Variants in CACNA2D3 observed in about 807,000 individuals in gnomAD.
CACNA2D3 encodes the protein calcium voltage-gated channel auxiliary subunit alpha2delta 3.
A neutral mutation model predicts 160.6 loss-of-function variants in CACNA2D3; 60 were observed. The ratio of observed to expected loss-of-function variants is 0.37; its 90% CI spans 0.30 to 0.46. The LOEUF is 0.46. Ranked by LOEUF, CACNA2D3 falls within the 20% of genes least tolerant of loss-of-function variation. CACNA2D3 has a pLI of 1.00. For missense variants in CACNA2D3, 1,205 were observed against 1,365.0 expected (o/e 0.88, Z 1.85); for synonymous variants, 558 against 492.9 (o/e 1.13, Z -1.75).
chr3:54,646,194 G>A (rs58952536), intron 11 of CACNA2D3, among the ~76,000 whole-genome samples: 1 of 13,434 alleles, frequency 7.4e-5, no homozygotes, highest in African/African-American at 1.6e-4. Flanking sequence ...CTCCTTCCTT[G>A]CTTCCTTCCT....
intron 8 of CACNA2D3, among the ~76,000 whole-genome samples, chr3:54,574,064 T>C (rs967297590): frequency 3.3e-5 from 5 of 152,182 alleles, no homozygotes; most frequent in Non-Finnish European, 5.9e-5. Context: ...TGTGAGTGCA[T>C]TGTTATCATC....
intron 2 of CACNA2D3, among the ~76,000 whole-genome samples, chr3:54,181,754 T>C (rs1488730922): frequency 6.6e-6 from 1 of 152,192 alleles, no homozygotes; most frequent in East Asian, 1.9e-4. Context: ...ACATGCTTCT[T>C]ATTGAAGAAG....
intron 34 of CACNA2D3, among the ~76,000 whole-genome samples, chr3:55,009,818 C>G (rs1487131002): frequency 1.3e-5 from 2 of 152,196 alleles, no homozygotes; most frequent in African/African-American, 4.8e-5. Flanking sequence ...TCTGTTTTCA[C>G]AGTTACCCTC....
intron 5 of CACNA2D3, among the ~76,000 whole-genome samples, chr3:54,514,231 G>A (rs1030283444): frequency 2.0e-5 from 3 of 152,166 alleles, no homozygotes; most frequent in African/African-American, 7.2e-5. Context: ...TTTCTGTTGG[G>A]AATGAGACAG....
intron 3 of CACNA2D3, among the ~76,000 whole-genome samples, chr3:54,322,792 A>G (rs1363641973): frequency 4.0e-5 from 6 of 151,704 alleles, no homozygotes; most frequent in Admixed American, 3.9e-4. Flanking sequence ...TAATTTTAAA[A>G]CCTTTTTGTG....
Position 54,141,387 on chromosome 3 carries a change from A to G in CACNA2D3, c.204+17793A>G, listed in dbSNP as rs148912290. ...TATCATCTTTGCCTTGTTTATTGCA[A>G]TAGTGACTTAAGCCTCCCAACCAAC... is the stretch of plus-strand genomic sequence containing the variant. On this transcript the variant is annotated intron_variant, in intron 2 of 37. Transcript: ENST00000474759. Among the ~76,000 whole-genome samples the G allele has an allele frequency of 2.2e-3, 336 of 152,236 alleles. 2 individuals are homozygous for G. The highest frequency in any genetic ancestry group is 7.8e-3 in the African/African-American group (322 of 41,530).
chr3:54,689,168 C>G (rs894851486), intron 11 of CACNA2D3, among the ~76,000 whole-genome samples: 7 of 152,000 alleles, frequency 4.6e-5, no homozygotes, highest in African/African-American at 1.7e-4. Context: ...TTAGCAGCAG[C>G]ATTTAACACA....
At chr3:55,064,463 G>A (rs1026141058) in intron 35 of CACNA2D3, among the ~76,000 whole-genome samples, 4 of 152,120 alleles carry the variant, frequency 2.6e-5, no homozygotes, top group African/African-American at 9.7e-5. Context: ...ATAGGTAGCT[G>A]GGAACACCCT....
At chr3:54,571,612 AGTGTGTGTGT>A (rs58652360) in intron 8 of CACNA2D3, among the ~76,000 whole-genome samples, 2,292 of 136,270 alleles carry the variant, frequency 0.017, 41 homozygotes, top group African/African-American at 0.039. Context: ...CACTTAACCA[AGTGTGTGTGT>A]GTGTGTGTGT....
At chr3:54,762,547 G>A (rs553025581) in intron 12 of CACNA2D3, among the ~76,000 whole-genome samples, 56 of 152,240 alleles carry the variant, frequency 3.7e-4, no homozygotes, top group African/African-American at 1.3e-3. Flanking sequence ...CTTGTTAATC[G>A]CTGCTTCTTC....
At chr3:54,138,096 A>G (rs749411290) in intron 2 of CACNA2D3, among the ~76,000 whole-genome samples, 2 of 152,174 alleles carry the variant, frequency 1.3e-5, no homozygotes, top group Non-Finnish European at 2.9e-5. Context: ...CATTTTCCAG[A>G]GGAAGACATG....
intron 2 of CACNA2D3, among the ~76,000 whole-genome samples, chr3:54,318,446 A>G (rs1336575595): frequency 6.6e-6 from 1 of 152,190 alleles, no homozygotes; most frequent in Non-Finnish European, 1.5e-5. Context: ...GCAGTTCAAA[A>G]CATCTAATAA....
chr3:54,532,831 T>C (rs1475647950), intron 5 of CACNA2D3, among the ~76,000 whole-genome samples: 1 of 152,216 alleles, frequency 6.6e-6, no homozygotes, highest in Non-Finnish European at 1.5e-5. Context: ...GTGGGATTGC[T>C]GGATCAAATG....
At chr3:54,857,906 C>T (rs1304773338) in intron 17 of CACNA2D3, among the ~76,000 whole-genome samples, 1 of 152,080 alleles carries the variant, frequency 6.6e-6, no homozygotes, top group Non-Finnish European at 1.5e-5. Context: ...TGTAGAAGTA[C>T]CAAGGAGCCT....
chr3:54,142,015 A>G (rs1699946949), intron 2 of CACNA2D3, among the ~76,000 whole-genome samples: 1 of 152,202 alleles, frequency 6.6e-6, no homozygotes, highest in South Asian at 2.1e-4. Flanking sequence ...AGTTCCATGA[A>G]GGAATGCTGA....
At chr3:54,246,539 A>G (rs1253296258) in intron 2 of CACNA2D3, among the ~76,000 whole-genome samples, 2 of 151,594 alleles carry the variant, frequency 1.3e-5, no homozygotes, top group African/African-American at 4.9e-5. Flanking sequence ...CTAAAAATAC[A>G]AAAATTAGCC....
At chr3:54,759,975 T>C (rs932653451) in intron 12 of CACNA2D3, among the ~76,000 whole-genome samples, 2 of 152,248 alleles carry the variant, frequency 1.3e-5, no homozygotes, top group Admixed American at 6.5e-5. Context: ...GAGGCCCACA[T>C]GCAGAAAGGC....
At chr3:54,991,255 G>T (rs940811964) in intron 31 of CACNA2D3, among the ~76,000 whole-genome samples, 1 of 146,698 alleles carries the variant, frequency 6.8e-6, no homozygotes, top group Non-Finnish European at 1.5e-5. Context: ...ACAGAGTCTC[G>T]CTTGTTGCCC....
chr3:54,126,201 G>T (rs114542121), intron 2 of CACNA2D3, among the ~76,000 whole-genome samples: 1 of 152,162 alleles, frequency 6.6e-6, no homozygotes, highest in Non-Finnish European at 1.5e-5. Context: ...TAGAATGGAA[G>T]TTTAGTCATT....
Sources: gnomAD v4.1 joint callset for allele counts (sites outside exome capture counted in the v4.1 genomes callset) on GRCh38, gnomAD v4.1.1 for gene constraint, MANE v1.5 for transcripts, NCBI Gene and HGNC (gene_info 2026-07-23, HGNC 2026-07-21) for gene names.